Variants in MRE11 observed in about 807,000 individuals in gnomAD.
MRE11 encodes MRE11 double strand break repair nuclease.
Under a neutral mutation model 91.7 loss-of-function variants are expected in MRE11, and 62 were observed. That is an observed-to-expected ratio of 0.68 (90% confidence interval 0.55 to 0.84). MRE11 has a LOEUF of 0.84. MRE11 is among the 40% of genes least tolerant of loss of function. MRE11 has a pLI of 0.00. For missense variants in MRE11, 796 were observed against 852.9 expected, an observed-to-expected ratio of 0.93 and a Z score of 0.83; for synonymous variants, 273 against 271.4, an observed-to-expected ratio of 1.01 and a Z score of -0.06.
At chr11:94,420,441 A>G (rs1945140593) in intron 19 of MRE11, among the ~76,000 whole-genome samples, 1 of 152,224 alleles carries the variant, frequency 6.6e-6, no homozygotes, top group Non-Finnish European at 1.5e-5. Flanking sequence ...CTTAATAAAG[A>G]TAAATGAAGT....
At chr11:94,511,759 A>ACAC in the MRE11 span, among the ~76,000 whole-genome samples, 1 of 152,236 alleles carries the variant, frequency 6.6e-6, no homozygotes, top group African/African-American at 2.4e-5. Flanking sequence ...CATAAAATTA[A>ACAC]CACCACAACG....
intron 10 of MRE11, 52 bp downstream of exon 10, chr11:94,467,761 A>C (rs1276732053): frequency 6.9e-7 from 1 of 1,458,550 alleles, no homozygotes; most frequent in Non-Finnish European, 9.6e-7. Context: ...TAAACTGTAC[A>C]TTACTATGCT....
intron 18 of MRE11, 26 bp downstream of exon 18, chr11:94,435,806 C>T (rs144976924): frequency 1.3e-6 from 2 of 1,595,828 alleles, no homozygotes; most frequent in South Asian, 2.2e-5. Flanking sequence ...TCAGATGTTT[C>T]TTTTGCAGAA....
chr11:94,454,275 T>A (rs1261473787), intron 14 of MRE11, among the ~76,000 whole-genome samples: 1 of 151,996 alleles, frequency 6.6e-6, no homozygotes, highest in Non-Finnish European at 1.5e-5. Context: ...GGTTTTGCCA[T>A]GTTGCCCAGG....
intron 2 of MRE11, 50 bp downstream of exon 2, chr11:94,492,732 G>C (rs759118518): frequency 6.2e-7 from 1 of 1,610,122 alleles, no homozygotes. Context: ...CACAGTTGAC[G>C]AGCTTTAGAA....
chr11:94,422,968 C>T (rs1945213513), intron 19 of MRE11, among the ~76,000 whole-genome samples: 1 of 152,188 alleles, frequency 6.6e-6, no homozygotes, highest in Non-Finnish European at 1.5e-5. Flanking sequence ...CTGCCTCAGC[C>T]TTCCAAAGTG....
At chr11:94,498,596 A>G (rs1947451398), upstream of MRE11, 3 of 1,374,598 alleles carry the variant, frequency 2.2e-6, no homozygotes, top group Non-Finnish European at 3.0e-6. Context: ...ATGTATTCCC[A>G]TAATCAAAGT....
At chr11:94,434,850 AG>A (rs554745228) in intron 18 of MRE11, among the ~76,000 whole-genome samples, 37 of 152,368 alleles carry the variant, frequency 2.4e-4, no homozygotes, top group African/African-American at 8.4e-4. Context: ...CTGAAGGCAG[AG>A]GCCATATTAA....
chr11:94,502,292 T>C, the MRE11 span, among the ~76,000 whole-genome samples: 4 of 152,248 alleles, frequency 2.6e-5, no homozygotes, highest in Admixed American at 2.0e-4. Flanking sequence ...TTGATATGTA[T>C]TTGTAAAGTT....
At chr11:94,430,122 G>T (rs978590785) in intron 18 of MRE11, 136 bp from the exon 19 acceptor site, 1 of 890,642 alleles carries the variant, frequency 1.1e-6, no homozygotes, top group African/African-American at 1.7e-5. Context: ...CTACATTAGC[G>T]GCAATAAAAC....
chr11:94,455,142 T>C (rs986322562), intron 14 of MRE11, among the ~76,000 whole-genome samples: 2 of 152,156 alleles, frequency 1.3e-5, no homozygotes, highest in South Asian at 2.1e-4. Context: ...ATTAATATTA[T>C]AATAATCTAA....
intron 7 of MRE11, chr11:94,473,540 T>C (rs1284464528): frequency 6.6e-6 from 1 of 152,078 alleles, no homozygotes; most frequent in Non-Finnish European, 1.5e-5. Context: ...CTCAAGATTC[T>C]CACCCAATCT....
At chr11:94,425,849 T>TA (rs1181203366) in intron 19 of MRE11, among the ~76,000 whole-genome samples, 1 of 152,058 alleles carries the variant, frequency 6.6e-6, no homozygotes, top group Non-Finnish European at 1.5e-5. Flanking sequence ...CTGCTTAACC[T>TA]AAAAAAAGAC....
At chr11:94,466,828 A>G (rs1946577004) in intron 10 of MRE11, among the ~76,000 whole-genome samples, 1 of 152,188 alleles carries the variant, frequency 6.6e-6, no homozygotes, top group Non-Finnish European at 1.5e-5. Flanking sequence ...CTGCTGGTTT[A>G]AAGACTACAC....
upstream of MRE11, among the ~76,000 whole-genome samples, chr11:94,494,429 C>A (rs1947379713): frequency 6.6e-6 from 1 of 152,220 alleles, no homozygotes; most frequent in Non-Finnish European, 1.5e-5. Context: ...TCTGCCCTTT[C>A]AGTTCCATTG....
intron 4 of MRE11, among the ~76,000 whole-genome samples, chr11:94,483,198 C>T (rs1947055827): frequency 6.6e-6 from 1 of 151,968 alleles, no homozygotes; most frequent in Non-Finnish European, 1.5e-5. Context: ...ATGGGCTGGG[C>T]ATGGTGGCTC....
At chr11:94,424,737 G>T (rs1945263021) in intron 19 of MRE11, among the ~76,000 whole-genome samples, 1 of 151,964 alleles carries the variant, frequency 6.6e-6, no homozygotes, top group African/African-American at 2.4e-5. Flanking sequence ...ACCAAACTGA[G>T]GAAAGAATCT....
intron 11 of MRE11, among the ~76,000 whole-genome samples, chr11:94,461,902 C>G (rs551994825): frequency 1.3e-5 from 2 of 152,144 alleles, no homozygotes; most frequent in East Asian, 3.9e-4. Flanking sequence ...GGTGAAACCC[C>G]GTCTCTACTA....
chr11:94,479,933 T>G (rs535726162), intron 4 of MRE11, among the ~76,000 whole-genome samples, 172 bp from the exon 5 acceptor site: 1 of 152,246 alleles, frequency 6.6e-6, no homozygotes, highest in Non-Finnish European at 1.5e-5. Flanking sequence ...TTCATTTCAA[T>G]TAGTTTGAAA....
Sources: gnomAD v4.1 joint callset for allele counts (sites outside exome capture counted in the v4.1 genomes callset) on GRCh38, gnomAD v4.1.1 for gene constraint, MANE v1.5 for transcripts, NCBI Gene and HGNC (gene_info 2026-07-23, HGNC 2026-07-21) for gene names.